The following FAM81A variants were observed in gnomAD, a reference collection of about 807,000 sequenced individuals.
The protein encoded by FAM81A is family with sequence similarity 81 member A.
A neutral mutation model predicts 46.7 loss-of-function variants in FAM81A; 19 were observed. The observed-to-expected ratio is 0.41, with a 90% CI of 0.28 to 0.60. The LOEUF (loss-of-function observed/expected upper bound fraction) is 0.60, where lower values mean the gene tolerates loss of function less well. FAM81A is among the 20% of genes least tolerant of loss of function. The pLI is 0.34. For synonymous variants in FAM81A, 183 were observed against 152.9 expected, an observed-to-expected ratio of 1.20 and a Z score of -1.45; for missense variants, 377 against 453.5, an observed-to-expected ratio of 0.83 and a Z score of 1.53.
intron 2 of FAM81A, among the ~76,000 whole-genome samples, chr15:59,428,914 A>AAT: frequency 6.6e-6 from 1 of 152,146 alleles, no homozygotes; most frequent in Admixed American, 6.5e-5. Context: ...TACAGGCGTG[A>AAT]GCCACCACAC....
intron 3 of FAM81A, among the ~76,000 whole-genome samples, chr15:59,474,313 GAA>G (rs1315076517): frequency 6.6e-6 from 1 of 152,156 alleles, no homozygotes; most frequent in Non-Finnish European, 1.5e-5. Context: ...AATTTATAAA[GAA>G]CAGAAATTTA....
chr15:59,413,939 G>T (rs868150960), intron 2 of FAM81A, among the ~76,000 whole-genome samples: 1 of 152,036 alleles, frequency 6.6e-6, no homozygotes, highest in African/African-American at 2.4e-5. Flanking sequence ...CCCTCCCAAA[G>T]ACGTCCACAT....
At chr15:59,462,646 C>G (rs972406298) in intron 3 of FAM81A, among the ~76,000 whole-genome samples, 2 of 152,104 alleles carry the variant, frequency 1.3e-5, no homozygotes, top group Non-Finnish European at 2.9e-5. Flanking sequence ...GACTTTGTTC[C>G]CATTAAAAAG....
At chr15:59,442,925 G>A (rs1194137686) in intron 1 of FAM81A, among the ~76,000 whole-genome samples, 2 of 152,042 alleles carry the variant, frequency 1.3e-5, no homozygotes, top group Non-Finnish European at 2.9e-5. Context: ...CTAAATACTC[G>A]TGTATATTTC....
intron 1 of FAM81A, among the ~76,000 whole-genome samples, chr15:59,457,996 G>A (rs1222358362): frequency 1.3e-5 from 2 of 152,184 alleles, no homozygotes; most frequent in African/African-American, 4.8e-5. Context: ...AAGTTTTCAA[G>A]TTCTAATGAG....
At chr15:59,488,994 G>A (rs918938492) in intron 3 of FAM81A, among the ~76,000 whole-genome samples, 18 of 148,904 alleles carry the variant, frequency 1.2e-4, no homozygotes, top group African/African-American at 3.3e-4. Context: ...GGCTGGGTGC[G>A]GTGGCTCACG....
At chr15:59,436,864 T>G (rs1476697713), upstream of FAM81A, among the ~76,000 whole-genome samples, 7 of 152,206 alleles carry the variant, frequency 4.6e-5, no homozygotes, top group Non-Finnish European at 1.0e-4. Flanking sequence ...ACAACGGCAG[T>G]GTTAACATGT....
At chr15:59,482,453 G>C (rs1419492756) in intron 3 of FAM81A, among the ~76,000 whole-genome samples, 3 of 152,146 alleles carry the variant, frequency 2.0e-5, no homozygotes, top group East Asian at 1.9e-4. Flanking sequence ...ATTTTTAGTA[G>C]AGACGGGGTT....
At chr15:59,442,088 G>A (rs1157348476) in intron 1 of FAM81A, among the ~76,000 whole-genome samples, 1 of 152,166 alleles carries the variant, frequency 6.6e-6, no homozygotes, top group Non-Finnish European at 1.5e-5. Flanking sequence ...AGCAGACCTG[G>A]GAAAGGGACT....
intron 3 of FAM81A, among the ~76,000 whole-genome samples, chr15:59,477,598 C>G (rs1596507139): frequency 6.6e-6 from 1 of 152,304 alleles, no homozygotes; most frequent in East Asian, 1.9e-4. Flanking sequence ...AACCATTACC[C>G]TATGTGATCC....
chr15:59,442,618 C>CAAAAAAAAAAAA (rs1196305104), intron 1 of FAM81A, among the ~76,000 whole-genome samples: 3 of 76,700 alleles, frequency 3.9e-5, no homozygotes, highest in African/African-American at 9.4e-5. Flanking sequence ...CTCCGTCTCT[C>CAAAAAAAAAAAA]AAAAAAAAAA....
At chr15:59,483,259 G>A (rs1378979466) in intron 3 of FAM81A, among the ~76,000 whole-genome samples, 2 of 151,944 alleles carry the variant, frequency 1.3e-5, no homozygotes, top group African/African-American at 4.8e-5. Context: ...GGCTGGTCTC[G>A]AACTCCTGAT....
chr15:59,426,282 T>A (rs2081194012), intron 2 of FAM81A, among the ~76,000 whole-genome samples: 1 of 151,710 alleles, frequency 6.6e-6, no homozygotes, highest in Non-Finnish European at 1.5e-5. Context: ...TTCTCCTAAC[T>A]CTGGATTAAA....
chr15:59,445,427 T>C (rs2141596895), intron 1 of FAM81A: 1 of 152,328 alleles, frequency 6.6e-6, no homozygotes, highest in East Asian at 1.9e-4. Flanking sequence ...TTTTTGTGTA[T>C]TTCAGGTTTC....
At chr15:59,441,624 A>G (rs2081298662) in intron 1 of FAM81A, among the ~76,000 whole-genome samples, 1 of 152,196 alleles carries the variant, frequency 6.6e-6, no homozygotes, top group Non-Finnish European at 1.5e-5. Flanking sequence ...GGGCTCTGGC[A>G]TAGGTGTCCT....
chr15:59,507,113 C>A (rs755090289), intron 4 of FAM81A, 100 bp from the exon 5 acceptor site: 1 of 1,439,872 alleles, frequency 6.9e-7, no homozygotes, highest in Non-Finnish European at 9.3e-7. Flanking sequence ...GGATAGTGCA[C>A]TTTCTTTGAG....
chr15:59,405,411 C>T (rs1295035375), intron 2 of FAM81A, among the ~76,000 whole-genome samples: 4 of 152,134 alleles, frequency 2.6e-5, no homozygotes, highest in Non-Finnish European at 5.9e-5. Flanking sequence ...GAGGCTGAGG[C>T]GGGTGGATCT....
At chr15:59,425,383 A>AT (rs2081190752) in intron 2 of FAM81A, among the ~76,000 whole-genome samples, 1 of 152,200 alleles carries the variant, frequency 6.6e-6, no homozygotes, top group Non-Finnish European at 1.5e-5. Flanking sequence ...TTTCATTACC[A>AT]TTCATGTAAT....
At chr15:59,435,715 C>T (rs1009627268), upstream of FAM81A, among the ~76,000 whole-genome samples, 20 of 152,330 alleles carry the variant, frequency 1.3e-4, 1 homozygote, top group African/African-American at 4.8e-4. Context: ...AATAGTATTA[C>T]AGCCATCAAG....
Sources: gnomAD v4.1 joint callset for allele counts (sites outside exome capture counted in the v4.1 genomes callset) on GRCh38, gnomAD v4.1.1 for gene constraint, MANE v1.5 for transcripts, NCBI Gene and HGNC (gene_info 2026-07-23, HGNC 2026-07-21) for gene names.